The following TMC7 variants were observed in gnomAD, a reference collection of about 807,000 sequenced individuals.
TMC7 encodes the protein transmembrane channel like 7.
A neutral mutation model predicts 82.9 loss-of-function variants in TMC7; 54 were observed. The ratio of observed to expected loss-of-function variants is 0.65; its 90% CI spans 0.52 to 0.82. The LOEUF (loss-of-function observed/expected upper bound fraction) is 0.82, where lower values mean the gene tolerates loss of function less well. TMC7 is among the 40% of genes least tolerant of loss of function. The probability of loss-of-function intolerance (pLI) is 0.00; values close to 1 mark genes in which losing one functional copy is unlikely to be tolerated. For missense variants in TMC7, 820 were observed against 901.2 expected (o/e 0.91, Z 1.15); for synonymous variants, 350 against 337.9 (o/e 1.04, Z -0.39).
intron 13 of TMC7, among the ~76,000 whole-genome samples, chr16:19,053,006 C>A (rs1312684900): frequency 6.6e-6 from 1 of 152,206 alleles, no homozygotes; most frequent in Non-Finnish European, 1.5e-5. Context: ...AGCTACCATG[C>A]TTGACCAGAT....
At position 19,013,851 on chromosome 16, in the gene TMC7, C is replaced by CTTTT. The variant is rs35402613; in HGVS notation, c.312-2582_312-2579dup. Among the ~76,000 whole-genome samples the CTTTT allele has an allele frequency of 2.6e-3, 229 of 87,074 alleles. 5 individuals carry two copies. Among genetic ancestry groups the CTTTT allele is most frequent in the Non-Finnish European group, 3.5e-3 (173 of 49,638 alleles). The allele number at this position is 87,074 out of a possible 152,430, so 57.1% of individuals were successfully genotyped here. ...GGTTTTTTTAACCTTAGCACTCTTGCTTTTTTTTTTTTTTTTTTTTGAGAT... is the reference window on the plus strand; with the variant it reads ...GGTTTTTTTAACCTTAGCACTCTTGCTTTTTTTTTTTTTTTTTTTTTTTTGAGAT... On this transcript the variant is annotated intron_variant, in intron 2 of 15. Coordinates refer to ENST00000304381, the MANE Select transcript of TMC7 (RefSeq NM_024847.4).
intron 12 of TMC7, among the ~76,000 whole-genome samples, chr16:19,048,315 C>T (rs191309425): frequency 4.6e-5 from 7 of 152,016 alleles, no homozygotes; most frequent in Admixed American, 3.9e-4. Context: ...TTGTGTAAGA[C>T]CCTGGGCGGT....
At chr16:19,012,331 G>C (rs985305991) in intron 2 of TMC7, 1 of 152,008 alleles carries the variant, frequency 6.6e-6, no homozygotes, top group African/African-American at 2.4e-5. Context: ...CACAGATTTT[G>C]AATTCTTATA....
intron 1 of TMC7, among the ~76,000 whole-genome samples, chr16:19,006,375 C>A (rs2039241443): frequency 6.6e-6 from 1 of 152,044 alleles, no homozygotes; most frequent in Admixed American, 6.6e-5. Flanking sequence ...GTAGAGACAG[C>A]GTTTCTCCAT....
chr16:19,059,446 T>C lies in TMC7; in HGVS notation c.2058T>C (p.Ala686=). Residue 686 remains alanine, a synonymous_variant, in exon 15 of 16, where the codon GCT becomes GCC. Coordinates refer to ENST00000304381, the MANE Select transcript of TMC7 (RefSeq NM_024847.4). ...TCATGTTTTACTTCATTGCCTTAGCTGGAGCACACAAACGGGTGGTCATCC... is the reference window on the plus strand; with the variant it reads ...TCATGTTTTACTTCATTGCCTTAGCCGGAGCACACAAACGGGTGGTCATCC... ...CLIMFYFIAL[A]GAHKRVVIQL... is the part of the protein sequence containing the mutation. The C allele has an allele frequency of 6.2e-7, 1 of 1,614,104 alleles. No individual in the cohort carries two copies. The highest frequency in any genetic ancestry group is 8.5e-7 in the Non-Finnish European group (1 of 1,180,024).
At chr16:19,020,208 A>G (rs1420118858) in intron 3 of TMC7, among the ~76,000 whole-genome samples, 1 of 152,194 alleles carries the variant, frequency 6.6e-6, no homozygotes, top group Non-Finnish European at 1.5e-5. Flanking sequence ...TTAAAAACCT[A>G]TAAACATTAT....
At chr16:18,991,518 G>C (rs1382681120) in intron 1 of TMC7, among the ~76,000 whole-genome samples, 2 of 152,076 alleles carry the variant, frequency 1.3e-5, no homozygotes, top group Admixed American at 6.5e-5. Context: ...GTAAATTGAG[G>C]CCTCGGCGAT....
At chr16:19,037,792 G>T in intron 7 of TMC7, 82 bp from the exon 8 acceptor site, 1 of 1,419,536 alleles carries the variant, frequency 7.0e-7, no homozygotes, top group East Asian at 2.3e-5. Flanking sequence ...AAAGATGGAT[G>T]GGGAGAGAAT....
At chr16:19,030,923 C>T (rs1331066133) in intron 6 of TMC7, among the ~76,000 whole-genome samples, 2 of 152,100 alleles carry the variant, frequency 1.3e-5, no homozygotes, top group South Asian at 4.1e-4. Context: ...TCCCACCCCA[C>T]TGCACACATA....
intron 3 of TMC7, among the ~76,000 whole-genome samples, chr16:19,017,678 T>TG (rs1031091846): frequency 1.4e-5 from 2 of 147,354 alleles, no homozygotes; most frequent in African/African-American, 4.9e-5. Flanking sequence ...TTTTTTTTTT[T>TG]TTTTTTTTTG....
chr16:19,040,254 A>G (rs769409392), intron 8 of TMC7, 35 bp from the exon 9 acceptor site: 1 of 1,593,054 alleles, frequency 6.3e-7, no homozygotes, highest in Non-Finnish European at 8.5e-7. Flanking sequence ...ACTTCCTCAT[A>G]TACTCCTGAC....
intron 2 of TMC7, among the ~76,000 whole-genome samples, chr16:19,015,743 A>G (rs1168028451): frequency 1.3e-5 from 2 of 151,666 alleles, no homozygotes; most frequent in African/African-American, 4.8e-5. Flanking sequence ...ATGCCTGGCT[A>G]ATTTGTATTT....
At chr16:18,984,208 C>T in intron 1 of TMC7, 78 bp downstream of exon 1, 1 of 1,393,220 alleles carries the variant, frequency 7.2e-7, no homozygotes, top group Middle Eastern at 2.6e-4. Flanking sequence ...GTGCTGGAGG[C>T]TCGGCCTGGC....
chr16:18,986,451 G>A (rs2038851050), intron 1 of TMC7, among the ~76,000 whole-genome samples: 1 of 152,094 alleles, frequency 6.6e-6, no homozygotes, highest in African/African-American at 2.4e-5. Flanking sequence ...AGCTACTGGG[G>A]AGCCTGAGGC....
At chr16:19,021,427 A>C (rs1959968037) in intron 3 of TMC7, among the ~76,000 whole-genome samples, 1 of 152,242 alleles carries the variant, frequency 6.6e-6, no homozygotes, top group African/African-American at 2.4e-5. Context: ...TGATTAATTC[A>C]AGATTGATTG....
chr16:18,989,230 A>T (rs1024624480), intron 1 of TMC7, among the ~76,000 whole-genome samples: 4 of 152,084 alleles, frequency 2.6e-5, no homozygotes, highest in African/African-American at 9.7e-5. Context: ...AGGCATCCCC[A>T]GAGGGAGGCA....
intron 6 of TMC7, 103 bp downstream of exon 6, chr16:19,030,472 C>G (rs941851312): frequency 7.4e-7 from 1 of 1,346,234 alleles, no homozygotes; most frequent in Non-Finnish European, 9.9e-7. Flanking sequence ...GAGTGGAGTC[C>G]AATGATGGGT....
Position 18,984,150 on chromosome 16 carries a change from G to A in TMC7, c.67+20G>A. The A allele has an allele frequency of 6.7e-7, 1 of 1,488,468 alleles. No individual in the cohort carries two copies. The highest frequency in any genetic ancestry group is 8.9e-7 in the Non-Finnish European group (1 of 1,126,986). 92.2% of individuals were successfully genotyped at this position (1,488,468 alleles called of 1,614,324 possible). A position where few individuals can be genotyped will look rare whatever the true frequency, so the allele number is the denominator to read the frequency against. On this transcript the variant is annotated intron_variant, in intron 1 of 15. Coordinates refer to ENST00000304381, the MANE Select transcript of TMC7 (RefSeq NM_024847.4). ...ATCCAGGTAGGGCGGCAGGGAGCGC[G>A]CGCGGGGACGGTGCCCCTGGGGTCC...
chr16:19,032,765 T>C (rs900691189), intron 6 of TMC7, among the ~76,000 whole-genome samples: 6 of 152,002 alleles, frequency 3.9e-5, no homozygotes, highest in African/African-American at 1.4e-4. Flanking sequence ...GTAGCTGAGA[T>C]TACAGGTGCA....
Sources: allele counts gnomAD v4.1 joint callset (sites outside exome capture counted in the v4.1 genomes callset), GRCh38; gene constraint gnomAD v4.1.1; transcripts MANE v1.5; gene names NCBI Gene and HGNC (gene_info 2026-07-23, HGNC 2026-07-21).